The following ATP11A variants were observed in gnomAD, a reference collection of about 807,000 sequenced individuals.
ATP11A encodes ATPase phospholipid transporting 11A.
ATP11A carries 81 observed loss-of-function variants against 154.4 expected under a neutral mutation model. That is an observed-to-expected ratio of 0.52 (90% CI 0.44 to 0.63). The LOEUF (loss-of-function observed/expected upper bound fraction) is 0.63. Among genes scored for constraint, ATP11A ranks in the 30% least tolerant of loss-of-function variants. The pLI is 0.00. For missense variants in ATP11A, 1,316 were observed against 1,474.3 expected, an observed-to-expected ratio of 0.89 and a Z score of 1.76; for synonymous variants, 623 against 585.9, an observed-to-expected ratio of 1.06 and a Z score of -0.91.
chr13:112,745,209 C>T lies in ATP11A; in HGVS notation c.40-39926C>T, dbSNP rs141922420. ...CCTCCCAAGTAGCTGAGACTACAGG[C>T]GCCCGCTACCACGCCTGGCTAATTT... is the stretch of plus-strand genomic sequence containing the variant. On this transcript the variant is annotated intron_variant, in intron 1 of 29. Coordinates refer to ENST00000375645, the MANE Select transcript of ATP11A (RefSeq NM_015205.3). Among the ~76,000 whole-genome samples, 933 of 152,282 alleles carry T rather than the reference C, an allele frequency of 6.1e-3. 9 individuals are homozygous for T. The highest frequency in any genetic ancestry group is 0.022 in the African/African-American group (895 of 41,558).
At position 112,753,340 on chromosome 13, in the gene ATP11A, A is replaced by G. The variant is rs2076740896; in HGVS notation, c.40-31795A>G. Among the ~76,000 whole-genome samples, 1 of 152,182 alleles carries G rather than the reference A, an allele frequency of 6.6e-6. No individual in the cohort carries two copies. On this transcript the variant is annotated intron_variant, in intron 1 of 29. Coordinates refer to ENST00000375645, the MANE Select transcript of ATP11A (RefSeq NM_015205.3). The surrounding 1 kb of genome is among the most constrained non-coding windows in gnomAD (Gnocchi z 4.1). ...ACATCAGCTATATTTCTGCGAGGAC[A>G]GCTTTGGGATCGCTTTGGAGAAGGG... is the stretch of plus-strand genomic sequence containing the variant.
chr13:112,752,227 C>T (rs746157026), intron 1 of ATP11A, among the ~76,000 whole-genome samples: 3 of 152,184 alleles, frequency 2.0e-5, no homozygotes, highest in Non-Finnish European at 4.4e-5. Flanking sequence ...ACAACAGTGA[C>T]GGCGGCTGTG....
intron 2 of ATP11A, among the ~76,000 whole-genome samples, chr13:112,787,621 A>T (rs1318845843): frequency 9.0e-6 from 1 of 111,164 alleles, no homozygotes; most frequent in East Asian, 2.6e-4. Flanking sequence ...GTGGAGACCT[A>T]CTTAATTCAC....
intron 1 of ATP11A, among the ~76,000 whole-genome samples, chr13:112,713,854 G>A (rs1888055933): frequency 6.6e-6 from 1 of 150,948 alleles, no homozygotes; most frequent in African/African-American, 2.4e-5. Flanking sequence ...ATGGGGAGTA[G>A]CAGTTCAGAG....
chr13:112,708,642 G>A (rs1887417362), intron 1 of ATP11A, among the ~76,000 whole-genome samples: 1 of 152,218 alleles, frequency 6.6e-6, no homozygotes. Context: ...TGTCACCCTT[G>A]CAAACCTCAG....
At chr13:112,710,045 G>C (rs142134937) in intron 1 of ATP11A, among the ~76,000 whole-genome samples, 4 of 152,186 alleles carry the variant, frequency 2.6e-5, no homozygotes, top group African/African-American at 9.6e-5. Flanking sequence ...CCTGGAGCTG[G>C]GCATCAGCCA....
intron 12 of ATP11A, among the ~76,000 whole-genome samples, chr13:112,827,147 A>C (rs74115502): frequency 1.8e-3 from 281 of 152,322 alleles, no homozygotes; most frequent in African/African-American, 6.5e-3. Context: ...TTCTGTGTGC[A>C]GGTGTGAATC....
chr13:112,691,722 T>C (rs76590444), intron 1 of ATP11A, among the ~76,000 whole-genome samples: 45 of 152,268 alleles, frequency 3.0e-4, no homozygotes, highest in African/African-American at 1.0e-3. Flanking sequence ...TTATGAGCCT[T>C]CTTTAAATAG....
rs1414707969 is a variant in ATP11A, at chr13:112,781,742, C to CTTT, written c.40-3391_40-3389dup. ...CTGCTCTGTCTATGGAGTAGCTGTT[C>CTTT]TTTTATTCATTTGCTTTCTTAATAA... On this transcript the variant is annotated intron_variant, in intron 1 of 29. Transcript: ENST00000375645. Among the ~76,000 whole-genome samples, 7 of 102,166 alleles carry CTTT rather than the reference C, an allele frequency of 6.9e-5. No homozygotes were observed. In the South Asian group the frequency reaches 2.3e-3, roughly 33 times the overall value. 67.0% of individuals were successfully genotyped at this position (102,166 alleles called of 152,430 possible).
intron 1 of ATP11A, among the ~76,000 whole-genome samples, chr13:112,716,831 C>T (rs546671021): frequency 1.3e-5 from 2 of 152,242 alleles, no homozygotes; most frequent in East Asian, 3.9e-4. Flanking sequence ...CTGCTGGCCT[C>T]CCAGCCTCCC....
At chr13:112,830,602 C>T (rs926623413) in intron 12 of ATP11A, among the ~76,000 whole-genome samples, 1 of 152,126 alleles carries the variant, frequency 6.6e-6, no homozygotes, top group Admixed American at 6.5e-5. Context: ...AATAAAAATG[C>T]TTTTGGGATT....
rs982679562 is a variant in ATP11A at position 112,883,060 on chromosome 13, GCCCCGTCA to G, written c.*1197_*1204del. 20 of 388,536 alleles carry G rather than the reference GCCCCGTCA, an allele frequency of 5.1e-5. No homozygotes were observed. The highest frequency in any genetic ancestry group is 3.8e-4 in the African/African-American group (17 of 44,166). The allele number at this position is 388,536 out of a possible 1,614,324, so 24.1% of individuals were successfully genotyped here. ...CGTCACCTCGTCCCCACATCCCCTT[GCCCCGTCA>G]CCTCGTCCTCATGTCCCCTTGTCCT... On this transcript the variant is annotated 3_prime_UTR_variant, in exon 30 of 30. Coordinates refer to ENST00000375645, the MANE Select transcript of ATP11A (RefSeq NM_015205.3).
At chr13:112,706,201 A>G (rs1887123680) in intron 1 of ATP11A, among the ~76,000 whole-genome samples, 1 of 152,220 alleles carries the variant, frequency 6.6e-6, no homozygotes, top group Non-Finnish European at 1.5e-5. Flanking sequence ...TTTCTTTTAA[A>G]TAATTGGCCA....
rs1218773510 is a variant in ATP11A, at chr13:112,886,457, C to T, written c.*4591C>T. The T allele has an allele frequency of 1.3e-5, 2 of 152,142 alleles. No individual in the cohort carries two copies. The highest frequency in any genetic ancestry group is 2.1e-4 in the South Asian group (1 of 4,824). The allele number at this position is 152,142 out of a possible 1,614,324, so 9.4% of individuals were successfully genotyped here. ...GTGTCTAACAGCTTGATATGCAGGT[C>T]CTTGCATCCTACATTTCTTTAGGAA... On this transcript the variant is annotated 3_prime_UTR_variant, in exon 30 of 30. Coordinates refer to ENST00000375645, the MANE Select transcript of ATP11A (RefSeq NM_015205.3).
In ATP11A at chr13:112,806,276, G is replaced by A. The variant is rs746907201; in HGVS notation, c.316G>A (p.Val106Met). ...ACTTCCACTCTTCTTTGTCATTACT[G>A]TGACGGCTATCAAACAGGTAAGCAT... The part of the protein sequence containing the change: ...SGLPLFFVIT[V>M]TAIKQGYEDW... The change falls in exon 4 of 30, where the codon GTG becomes ATG. Residue 106 changes from valine (V) to methionine (M), a missense_variant. Val to Met is a conservative substitution (Grantham distance 21). This residue lies in a region of ATP11A where 876 missense variants were observed against 1,006.8 expected (regional missense o/e 0.87). Transcript: ENST00000375645. 5.0e-6 allele frequency: 8 copies of A among 1,613,050 alleles called. No homozygotes were observed. The highest frequency in any genetic ancestry group is 5.9e-6 in the Non-Finnish European group (7 of 1,179,380).
intron 17 of ATP11A, among the ~76,000 whole-genome samples, chr13:112,844,191 C>A (rs1207736199): frequency 1.3e-5 from 2 of 152,194 alleles, no homozygotes; most frequent in African/African-American, 4.8e-5. Context: ...GGTGACTGGT[C>A]CTCCATGGAG....
intron 1 of ATP11A, among the ~76,000 whole-genome samples, chr13:112,750,061 G>A (rs2076657737): frequency 1.6e-5 from 1 of 63,138 alleles, no homozygotes; most frequent in Non-Finnish European, 2.8e-5. Flanking sequence ...GTGGGGACAC[G>A]CCTGCTGAAG....
intron 2 of ATP11A, among the ~76,000 whole-genome samples, chr13:112,801,570 T>G (rs900429761): frequency 6.6e-6 from 1 of 152,230 alleles, no homozygotes; most frequent in African/African-American, 2.4e-5. Context: ...ACAAAAAAAC[T>G]TCTGGATGTT....
intron 2 of ATP11A, among the ~76,000 whole-genome samples, chr13:112,789,781 G>C (rs1052859635): frequency 6.7e-6 from 1 of 149,752 alleles, no homozygotes; most frequent in African/African-American, 2.5e-5. Context: ...CGGGTGTCCT[G>C]ATGTGTAGAC....
Sources: gnomAD v4.1 joint callset for allele counts (sites outside exome capture counted in the v4.1 genomes callset) on GRCh38, gnomAD v4.1.1 for gene constraint, gnomAD v4.1.1 regional missense constraint, Gnocchi (gnomAD v3.1) non-coding constraint, MANE v1.5 for transcripts, NCBI Gene and HGNC (gene_info 2026-07-23, HGNC 2026-07-21) for gene names.